Variants in SMURF1 observed in about 807,000 individuals in gnomAD.
The protein encoded by SMURF1 is E3 ubiquitin-protein ligase SMURF1.
Under a neutral mutation model 98.0 loss-of-function variants are expected in SMURF1, and 44 were observed. That is an observed-to-expected ratio of 0.45 (90% CI 0.35 to 0.58). The LOEUF is 0.58. SMURF1 is among the 20% of genes least tolerant of loss of function. The pLI is 0.00. For synonymous variants in SMURF1, 396 were observed against 374.9 expected (o/e 1.06, Z -0.65); for missense variants, 687 against 938.4 (o/e 0.73, Z 3.50).
intron 1 of SMURF1, among the ~76,000 whole-genome samples, chr7:99,125,090 T>C (rs972252391): frequency 7.1e-6 from 1 of 141,306 alleles, no homozygotes; most frequent in Non-Finnish European, 1.5e-5. Flanking sequence ...CATTCATTCA[T>C]TCATTCGAGA....
intron 16 of SMURF1, among the ~76,000 whole-genome samples, chr7:99,034,755 A>G (rs556213610): frequency 6.6e-6 from 1 of 152,234 alleles, no homozygotes; most frequent in African/African-American, 2.4e-5. Flanking sequence ...CCAGCAGCAA[A>G]TCTATAGGCA....
intron 1 of SMURF1, among the ~76,000 whole-genome samples, chr7:99,088,233 G>C (rs1312636457): frequency 1.3e-5 from 2 of 151,574 alleles, no homozygotes; most frequent in Non-Finnish European, 2.9e-5. Context: ...ACTGCAGCCT[G>C]GGCAACAGAG....
At chr7:99,060,045 G>A (rs1450320039) in intron 3 of SMURF1, among the ~76,000 whole-genome samples, 1 of 151,938 alleles carries the variant, frequency 6.6e-6, no homozygotes, top group Non-Finnish European at 1.5e-5. Context: ...AAAAGTTTGA[G>A]GATCACATGT....
chr7:99,067,789 T>C (rs1563014792), intron 1 of SMURF1, among the ~76,000 whole-genome samples: 1 of 152,058 alleles, frequency 6.6e-6, no homozygotes, highest in African/African-American at 2.4e-5. Context: ...CTGTCTCTAC[T>C]AAAAATACAA....
rs574932927 is a variant in SMURF1 at position 99,119,516 on chromosome 7, T to C, written c.55+24210A>G. ...GAAGTGTTTATCTAACAGTGACAGA[T>C]ATTGGAGTAATTTTAAAAAATATAA... On this transcript the variant is annotated intron_variant, in intron 1 of 17. Coordinates refer to ENST00000361368, the MANE Select transcript of SMURF1 (RefSeq NM_181349.3). Among the ~76,000 whole-genome samples, 5 of 152,310 alleles carry C rather than the reference T, an allele frequency of 3.3e-5. No homozygotes were observed. The East Asian group carries it at 5.8e-4, about 18-fold the overall frequency.
chr7:99,128,218 C>T (rs1161684421), intron 1 of SMURF1, among the ~76,000 whole-genome samples: 3 of 152,164 alleles, frequency 2.0e-5, no homozygotes, highest in Non-Finnish European at 4.4e-5. Flanking sequence ...CAGGAGATAG[C>T]CTCTGGGGCT....
chr7:99,051,491 A>T, intron 7 of SMURF1, 50 bp from the exon 8 acceptor site: 1 of 1,448,782 alleles, frequency 6.9e-7, no homozygotes, highest in Non-Finnish European at 9.7e-7. Flanking sequence ...TTCCAGGGAG[A>T]GTTTGTAACC....
At chr7:99,035,438 C>A (rs935065332) in intron 16 of SMURF1, 77 bp downstream of exon 16, 2 of 1,534,104 alleles carry the variant, frequency 1.3e-6, no homozygotes, top group Non-Finnish European at 8.9e-7. Context: ...GAAAAACATC[C>A]CAGCCACCTT....
At chr7:99,142,939 T>G (rs988688890) in intron 1 of SMURF1, among the ~76,000 whole-genome samples, 26 of 58,060 alleles carry the variant, frequency 4.5e-4, no homozygotes, top group African/African-American at 8.4e-4. Flanking sequence ...AGGGAGGGGG[T>G]AAAAACGGCG....
intron 1 of SMURF1, among the ~76,000 whole-genome samples, chr7:99,074,387 T>G (rs188635403): frequency 6.6e-6 from 1 of 152,268 alleles, no homozygotes; most frequent in Admixed American, 6.5e-5. Flanking sequence ...CCATGTCAAC[T>G]GATGTTCTTC....
At chr7:99,039,287 G>T (rs1795278989) in intron 13 of SMURF1, among the ~76,000 whole-genome samples, 1 of 151,050 alleles carries the variant, frequency 6.6e-6, no homozygotes, top group Non-Finnish European at 1.5e-5. Flanking sequence ...ACTCGAAAGT[G>T]AAAACTAGCT....
intron 1 of SMURF1, among the ~76,000 whole-genome samples, chr7:99,076,645 G>A (rs1796465422): frequency 6.6e-6 from 1 of 152,222 alleles, no homozygotes; most frequent in Admixed American, 6.5e-5. Context: ...GAACATGTCA[G>A]TAGGTAAAAA....
intron 1 of SMURF1, among the ~76,000 whole-genome samples, chr7:99,070,015 G>A (rs1462231891): frequency 6.6e-6 from 1 of 152,226 alleles, no homozygotes; most frequent in Non-Finnish European, 1.5e-5. Context: ...TGACAGTCCT[G>A]AGGTAAGTTT....
At chr7:99,035,910 C>T (rs776744482) in intron 15 of SMURF1, 194 bp from the exon 16 acceptor site, 2 of 608,396 alleles carry the variant, frequency 3.3e-6, no homozygotes, top group African/African-American at 1.9e-5. Context: ...TCCGCCTCCT[C>T]CAAACGGGTC....
Position 99,054,748 on chromosome 7 carries a change from C to T in SMURF1, c.479+42G>A, listed in dbSNP as rs76150244. ...TTTCCTATAGGCCGAGAGGTTAAGGCAGCAGAGAACTCAGCCCGCCTCTTG... is the reference window on the plus strand; with the variant it reads ...TTTCCTATAGGCCGAGAGGTTAAGGTAGCAGAGAACTCAGCCCGCCTCTTG... On this transcript the variant is annotated intron_variant, in intron 6 of 17. Transcript: ENST00000361368. 414 of 1,575,848 alleles carry T rather than the reference C, an allele frequency of 2.6e-4. No homozygotes were observed. The African/African-American group carries it at 5.2e-3, about 20-fold the overall frequency.
Position 99,060,824 on chromosome 7 carries a change from G to A in SMURF1, c.95-117C>T, listed in dbSNP as rs577573805. ...AATTTCAATCAGCAAAATAAGTTATGTCTATTGAGCTTTCTAAGAGAGCCT... is the reference window on the plus strand; with the variant it reads ...AATTTCAATCAGCAAAATAAGTTATATCTATTGAGCTTTCTAAGAGAGCCT... On this transcript the variant is annotated intron_variant, in intron 2 of 17. Coordinates refer to ENST00000361368, the MANE Select transcript of SMURF1 (RefSeq NM_181349.3). 1.7e-5 allele frequency: 11 copies of A among 628,926 alleles called. No individual in the cohort carries two copies. The Admixed American group carries it at 2.4e-4, about 14-fold the overall frequency. The allele number at this position is 628,926 out of a possible 1,614,324, so 39.0% of individuals were successfully genotyped here.
chr7:99,122,355 A>G (rs180938829), intron 1 of SMURF1, among the ~76,000 whole-genome samples: 2,068 of 150,570 alleles, frequency 0.014, 26 homozygotes, highest in Non-Finnish European at 0.023. Context: ...AGAAGAAGAA[A>G]AAAAAAGGCC....
At chr7:99,106,637 G>A (rs911426648) in intron 1 of SMURF1, among the ~76,000 whole-genome samples, 6 of 152,172 alleles carry the variant, frequency 3.9e-5, no homozygotes, top group Non-Finnish European at 7.3e-5. Flanking sequence ...CATTGTTGCC[G>A]GGAGCAGTGG....
intron 1 of SMURF1, chr7:99,120,585 C>T (rs1461333032): frequency 6.6e-6 from 1 of 151,744 alleles, no homozygotes; most frequent in Non-Finnish European, 1.5e-5. Context: ...AGAGTGAGAG[C>T]CAGTCCTTCC....
Sources: allele counts gnomAD v4.1 joint callset (sites outside exome capture counted in the v4.1 genomes callset), GRCh38; gene constraint gnomAD v4.1.1; transcripts MANE v1.5; gene names NCBI Gene and HGNC (gene_info 2026-07-23, HGNC 2026-07-21).